Variants in ADAMTS19 observed in about 807,000 individuals in gnomAD.
ADAMTS19 encodes the protein ADAM metallopeptidase with thrombospondin type 1 motif 19.
A neutral mutation model predicts 153.3 loss-of-function variants in ADAMTS19; 93 were observed. The ratio of observed to expected loss-of-function variants is 0.61; its 90% CI spans 0.51 to 0.72. The LOEUF (loss-of-function observed/expected upper bound fraction) is 0.72, where lower values mean the gene tolerates loss of function less well. Among genes scored for constraint, ADAMTS19 ranks in the 30% least tolerant of loss-of-function variants. The pLI is 0.00. For synonymous variants in ADAMTS19, 600 were observed against 556.6 expected (o/e 1.08, Z -1.10); for missense variants, 1,482 against 1,552.1 (o/e 0.95, Z 0.76).
chr5:129,614,190 G>T (rs1212110006), intron 8 of ADAMTS19, among the ~76,000 whole-genome samples: 1 of 152,064 alleles, frequency 6.6e-6, no homozygotes, highest in Non-Finnish European at 1.5e-5. Flanking sequence ...ATTTTATGAG[G>T]CCAGCATCAT....
chr5:129,556,535 C>T (rs1449295452), intron 7 of ADAMTS19, among the ~76,000 whole-genome samples: 1 of 152,052 alleles, frequency 6.6e-6, no homozygotes, highest in Non-Finnish European at 1.5e-5. Context: ...TGTTAGGTTA[C>T]AAAGCAACAA....
At chr5:129,547,454 A>T (rs1234402135) in intron 6 of ADAMTS19, among the ~76,000 whole-genome samples, 1 of 150,740 alleles carries the variant, frequency 6.6e-6, no homozygotes, top group Non-Finnish European at 1.5e-5. Flanking sequence ...CAGCAGCAAT[A>T]GAGAACAAAT....
chr5:129,697,726 G>C (rs559678054), intron 19 of ADAMTS19, among the ~76,000 whole-genome samples: 9 of 152,342 alleles, frequency 5.9e-5, no homozygotes, highest in Non-Finnish European at 1.3e-4. Context: ...AGCATTTTTG[G>C]CCTTGGCCCT....
chr5:129,644,608 CTT>C (rs879457106), intron 11 of ADAMTS19, among the ~76,000 whole-genome samples: 2 of 152,038 alleles, frequency 1.3e-5, no homozygotes, highest in African/African-American at 4.8e-5. Flanking sequence ...GTTTTCTTCT[CTT>C]TTTATAATTT....
chr5:129,600,538 T>A (rs1750596062), intron 8 of ADAMTS19, among the ~76,000 whole-genome samples: 1 of 152,112 alleles, frequency 6.6e-6, no homozygotes, highest in Non-Finnish European at 1.5e-5. Flanking sequence ...TGAATTTGAT[T>A]TCTAGAAATT....
At chr5:129,604,085 C>G (rs1750784955) in intron 8 of ADAMTS19, among the ~76,000 whole-genome samples, 1 of 152,004 alleles carries the variant, frequency 6.6e-6, no homozygotes, top group African/African-American at 2.4e-5. Context: ...AGGGGAACAA[C>G]TCATACTGGG....
At chr5:129,493,125 G>A (rs2126694500) in intron 2 of ADAMTS19, among the ~76,000 whole-genome samples, 1 of 152,210 alleles carries the variant, frequency 6.6e-6, no homozygotes, top group African/African-American at 2.4e-5. Context: ...AGAGTGGTAA[G>A]TAACATGGTT....
intron 12 of ADAMTS19, among the ~76,000 whole-genome samples, 170 bp from the exon 13 acceptor site, chr5:129,648,628 T>TA (rs1382973488): frequency 6.6e-6 from 1 of 152,112 alleles, no homozygotes; most frequent in Admixed American, 6.6e-5. Context: ...TATATATAGT[T>TA]AAAGAAATAA....
intron 2 of ADAMTS19, among the ~76,000 whole-genome samples, chr5:129,501,414 T>C (rs1008017754): frequency 2.0e-5 from 3 of 152,182 alleles, no homozygotes; most frequent in African/African-American, 7.2e-5. Flanking sequence ...ACTATTTTTG[T>C]CTTTTGCTTT....
intron 7 of ADAMTS19, among the ~76,000 whole-genome samples, chr5:129,563,825 T>G (rs1753606909): frequency 2.0e-5 from 3 of 152,184 alleles, no homozygotes; most frequent in Admixed American, 6.5e-5. Context: ...CCTCTAGCTA[T>G]TCAATCAAAT....
intron 6 of ADAMTS19, among the ~76,000 whole-genome samples, chr5:129,534,247 A>G (rs1262139063): frequency 6.6e-6 from 1 of 152,074 alleles, no homozygotes; most frequent in Non-Finnish European, 1.5e-5. Context: ...TTTGTAGGTC[A>G]CTAAGGACGT....
chr5:129,729,871 G>T (rs1757362656), intron 21 of ADAMTS19, among the ~76,000 whole-genome samples: 1 of 152,044 alleles, frequency 6.6e-6, no homozygotes, highest in Admixed American at 6.6e-5. Flanking sequence ...GACTAAAAGT[G>T]TCAGGAATAG....
intron 21 of ADAMTS19, among the ~76,000 whole-genome samples, chr5:129,728,629 T>C (rs112816123): frequency 3.9e-5 from 6 of 152,232 alleles, no homozygotes; most frequent in African/African-American, 9.6e-5. Context: ...AAAGTGGCTT[T>C]GTAGTGTAAC....
At chr5:129,517,253 T>G (rs1751645914) in intron 3 of ADAMTS19, among the ~76,000 whole-genome samples, 6 of 152,004 alleles carry the variant, frequency 3.9e-5, no homozygotes, top group South Asian at 4.1e-4. Context: ...AGAATGGTAT[T>G]CTGCAGCTCT....
At chr5:129,572,802 G>C (rs1363870029) in intron 7 of ADAMTS19, among the ~76,000 whole-genome samples, 1 of 151,930 alleles carries the variant, frequency 6.6e-6, no homozygotes, top group African/African-American at 2.4e-5. Context: ...AGAAGTTTTG[G>C]GGTGTGATGG....
chr5:129,629,868 G>A (rs1418364995), intron 10 of ADAMTS19, among the ~76,000 whole-genome samples: 1 of 152,030 alleles, frequency 6.6e-6, no homozygotes, highest in Non-Finnish European at 1.5e-5. Flanking sequence ...TAAAAATACA[G>A]AGGTATGGAA....
rs1751351291 is a variant in ADAMTS19, at chr5:129,509,080, G to A, written c.751G>A (p.Gly251Arg). The A allele has an allele frequency of 6.3e-7, 1 of 1,595,638 alleles. No individual in the cohort carries two copies. Among genetic ancestry groups the A allele is most frequent in the Non-Finnish European group, 8.5e-7 (1 of 1,171,796 alleles). Reference protein sequence around the residue: ...SFSTCGGGLMGFIQLNEDFIF... With the variant: ...SFSTCGGGLMRFIQLNEDFIF... ...CTTTTTGTGTTATATATTCCAGATG[G>A]GATTTATACAGCTCAATGAGGACTT... The change falls in exon 3 of 23, where the codon GGA (glycine) becomes AGA (arginine). Residue 251 changes from glycine (G) to arginine (R), a missense_variant. Gly to Arg is a moderately radical substitution (Grantham distance 125). Transcript: ENST00000274487.
At chr5:129,492,559 G>A (rs905770466) in intron 2 of ADAMTS19, among the ~76,000 whole-genome samples, 6 of 151,266 alleles carry the variant, frequency 4.0e-5, no homozygotes, top group South Asian at 2.1e-4. Context: ...GTATGTGTGC[G>A]TGTATGTGTG....
chr5:129,696,113 T>TCA (rs1755540116), intron 19 of ADAMTS19, among the ~76,000 whole-genome samples: 1 of 152,180 alleles, frequency 6.6e-6, no homozygotes, highest in Non-Finnish European at 1.5e-5. Flanking sequence ...ATTTCCCTAT[T>TCA]CACACCCCCA....
Sources: gnomAD v4.1 joint callset for allele counts (sites outside exome capture counted in the v4.1 genomes callset) on GRCh38, gnomAD v4.1.1 for gene constraint, MANE v1.5 for transcripts, NCBI Gene and HGNC (gene_info 2026-07-23, HGNC 2026-07-21) for gene names.